The following NKAIN2 variants were observed in gnomAD, a reference collection of about 807,000 sequenced individuals.
The protein encoded by NKAIN2 is sodium/potassium-transporting ATPase subunit beta-1-interacting protein 2.
A neutral mutation model predicts 32.6 loss-of-function variants in NKAIN2; 14 were observed. The ratio of observed to expected loss-of-function variants is 0.43; its 90% CI spans 0.28 to 0.67. The LOEUF is 0.67. NKAIN2 is among the 30% of genes least tolerant of loss of function. The probability of loss-of-function intolerance (pLI) is 0.17; values close to 1 mark genes in which losing one functional copy is unlikely to be tolerated. For synonymous variants in NKAIN2, 80 were observed against 87.2 expected (o/e 0.92, Z 0.46); for missense variants, 198 against 258.3 (o/e 0.77, Z 1.60).
At chr6:123,901,698 C>A (rs1047992445) in intron 1 of NKAIN2, among the ~76,000 whole-genome samples, 13 of 152,098 alleles carry the variant, frequency 8.5e-5, no homozygotes, top group African/African-American at 3.1e-4. Flanking sequence ...TCACTCAGTT[C>A]TCTTGTTTGT....
In NKAIN2 at chr6:123,964,498, TA is replaced by T. The variant is rs534132707; in HGVS notation, c.54+160246del. Among the ~76,000 whole-genome samples the T allele has an allele frequency of 6.6e-6, 1 of 152,336 alleles. No individual in the cohort carries two copies. Among genetic ancestry groups the T allele is most frequent in the East Asian group, 1.9e-4 (1 of 5,186 alleles). ...TAAAAGTGGTCTCTGCTATGCAAAC[TA>T]AGTTCCTTCTCATCTCTATATCATC... On this transcript the variant is annotated intron_variant, in intron 1 of 6. Transcript: ENST00000368417. This position sits in a 1 kb window ranked among gnomAD's most constrained non-coding sequence, Gnocchi z 4.0.
chr6:124,488,797 T>G (rs767460733), intron 3 of NKAIN2, among the ~76,000 whole-genome samples: 5 of 151,986 alleles, frequency 3.3e-5, no homozygotes, highest in Admixed American at 6.6e-5. Context: ...CTGTCATAGC[T>G]TCTCTAAAAT....
chr6:124,220,943 T>C (rs1791780764), intron 1 of NKAIN2, among the ~76,000 whole-genome samples: 1 of 152,156 alleles, frequency 6.6e-6, no homozygotes, highest in African/African-American at 2.4e-5. Flanking sequence ...GAAATAATTT[T>C]AAACATTGAG....
rs1295589886 is a variant in NKAIN2 at position 124,794,200 on chromosome 6, T to C, written c.535+2801T>C. ...TTGTAGATGTTAAAGCATCAATTTA[T>C]AGAAATTAAAAGTATGGTTAATGCA... On this transcript the variant is annotated intron_variant, in intron 5 of 6. Transcript: ENST00000368417. 2.0e-5 allele frequency among the ~76,000 whole-genome samples: 3 copies of C among 152,158 alleles called. No homozygotes were observed. In the East Asian group the frequency reaches 5.8e-4, roughly 29 times the overall value.
At chr6:123,863,207 T>C (rs967506389) in intron 1 of NKAIN2, among the ~76,000 whole-genome samples, 2 of 152,210 alleles carry the variant, frequency 1.3e-5, no homozygotes, top group African/African-American at 4.8e-5. Context: ...GAAGTAGATA[T>C]TAAAATTAAA....
intron 1 of NKAIN2, among the ~76,000 whole-genome samples, chr6:124,065,757 G>T (rs140606341): frequency 6.6e-6 from 1 of 152,080 alleles, no homozygotes; most frequent in African/African-American, 2.4e-5. Flanking sequence ...CATTGTATGT[G>T]CAGTATTTCT....
chr6:124,662,320 T>C (rs1322712963), intron 4 of NKAIN2, among the ~76,000 whole-genome samples: 1 of 145,994 alleles, frequency 6.8e-6, no homozygotes, highest in African/African-American at 2.5e-5. Context: ...TATATATATA[T>C]GTAAGCTTTC....
intron 3 of NKAIN2, among the ~76,000 whole-genome samples, chr6:124,560,311 C>T (rs1357436432): frequency 6.6e-6 from 1 of 152,128 alleles, no homozygotes; most frequent in Non-Finnish European, 1.5e-5. Context: ...CTTTCTGCCA[C>T]CATGTGAAGA....
Position 123,927,483 on chromosome 6 carries a change from A to G in NKAIN2, c.54+123229A>G, listed in dbSNP as rs577775114. Reference sequence around the variant, plus strand: ...GGCATTAGAGATAACCTCTACTGCCATCGTAGGGGAATTAAAACTATAAGC... The same window carrying G: ...GGCATTAGAGATAACCTCTACTGCCGTCGTAGGGGAATTAAAACTATAAGC... On this transcript the variant is annotated intron_variant, in intron 1 of 6. Transcript: ENST00000368417. 2.6e-5 allele frequency among the ~76,000 whole-genome samples: 4 copies of G among 152,318 alleles called. No homozygotes were observed. The East Asian group carries it at 5.8e-4, about 22-fold the overall frequency.
Position 124,807,096 on chromosome 6 carries a change from C to A in NKAIN2, c.536-11291C>A, listed in dbSNP as rs1286178416. ...ACAGATCAACGAGACAGAAAGTCAA[C>A]AAGGATACCCAGGAATTGAACTCAG... On this transcript the variant is annotated intron_variant, in intron 5 of 6. Coordinates refer to ENST00000368417, the MANE Select transcript of NKAIN2 (RefSeq NM_001040214.3). Among the ~76,000 whole-genome samples the A allele has an allele frequency of 4.5e-3, 684 of 151,518 alleles. 3 individuals carry two copies. The highest frequency in any genetic ancestry group is 0.016 in the African/African-American group (650 of 41,416).
intron 2 of NKAIN2, among the ~76,000 whole-genome samples, chr6:124,298,366 A>C (rs1440369735): frequency 1.3e-5 from 2 of 152,188 alleles, no homozygotes; most frequent in Admixed American, 1.3e-4. Flanking sequence ...TTCATGGTTC[A>C]GCAGAAAAAA....
At chr6:124,169,163 A>T (rs1267465202) in intron 1 of NKAIN2, among the ~76,000 whole-genome samples, 1 of 152,136 alleles carries the variant, frequency 6.6e-6, no homozygotes. Context: ...CTGTGCACCC[A>T]AAGATATATA....
chr6:124,170,142 C>A (rs892837413), intron 1 of NKAIN2, among the ~76,000 whole-genome samples: 14 of 152,134 alleles, frequency 9.2e-5, no homozygotes, highest in African/African-American at 3.4e-4. Context: ...TTCCTTATTT[C>A]ATGCAGATCT....
intron 3 of NKAIN2, among the ~76,000 whole-genome samples, chr6:124,368,948 T>A (rs1799633980): frequency 6.6e-6 from 1 of 152,076 alleles, no homozygotes; most frequent in South Asian, 2.1e-4. Context: ...TTTTGAAAAA[T>A]AAAATAAAAA....
At chr6:124,695,877 A>G (rs1194632422) in intron 4 of NKAIN2, among the ~76,000 whole-genome samples, 1 of 152,234 alleles carries the variant, frequency 6.6e-6, no homozygotes, top group Non-Finnish European at 1.5e-5. Context: ...AGAGAAAGGC[A>G]TAACAAATTT....
intron 1 of NKAIN2, among the ~76,000 whole-genome samples, chr6:123,975,861 T>G (rs2114648126): frequency 6.6e-6 from 1 of 152,002 alleles, no homozygotes; most frequent in Admixed American, 6.6e-5. Context: ...CATGATATGG[T>G]TAGGCTGTAT....
intron 1 of NKAIN2, among the ~76,000 whole-genome samples, chr6:124,139,635 A>C (rs1401755465): frequency 6.6e-6 from 1 of 152,194 alleles, no homozygotes; most frequent in African/African-American, 2.4e-5. Flanking sequence ...TAGTGATAAA[A>C]GCTCAAAATC....
At chr6:123,890,244 C>G (rs148878517) in intron 1 of NKAIN2, among the ~76,000 whole-genome samples, 1 of 151,744 alleles carries the variant, frequency 6.6e-6, no homozygotes, top group African/African-American at 2.4e-5. Flanking sequence ...TCTTCCCTGT[C>G]ATCTTTGGAG....
At chr6:124,629,641 C>G (rs1783486316) in intron 3 of NKAIN2, among the ~76,000 whole-genome samples, 1 of 152,120 alleles carries the variant, frequency 6.6e-6, no homozygotes, top group South Asian at 2.1e-4. Context: ...CTTTTAGCCA[C>G]TCTTTGTTTA....
Sources: allele counts gnomAD v4.1 joint callset (sites outside exome capture counted in the v4.1 genomes callset), GRCh38; gene constraint gnomAD v4.1.1; non-coding constraint Gnocchi (gnomAD v3.1); transcripts MANE v1.5; gene names NCBI Gene and HGNC (gene_info 2026-07-23, HGNC 2026-07-21).